The following LRRC27 variants were observed in gnomAD, a reference collection of about 807,000 sequenced individuals.
The protein encoded by LRRC27 is leucine rich repeat containing 27.
In LRRC27, 57 loss-of-function variants were observed where a neutral mutation model predicts 55.0. The observed-to-expected ratio is 1.04, with a 90% confidence interval of 0.84 to 1.29. LRRC27 has a LOEUF of 1.29. Among genes scored for constraint, LRRC27 ranks in the 50% most tolerant of loss-of-function variants. The probability of loss-of-function intolerance (pLI) is 0.00; values close to 1 mark genes in which losing one functional copy is unlikely to be tolerated. For synonymous variants in LRRC27, 278 were observed against 251.9 expected, an observed-to-expected ratio of 1.10 and a Z score of -0.98; for missense variants, 721 against 651.5, an observed-to-expected ratio of 1.11 and a Z score of -1.16.
chr10:132,355,757 G>A (rs1215901255), intron 7 of LRRC27, 33 bp from the exon 8 acceptor site: 4 of 1,487,522 alleles, frequency 2.7e-6, no homozygotes, highest in South Asian at 1.2e-5. Context: ...GAAGCTGCCT[G>A]TAACTTATGA....
At position 132,375,372 on chromosome 10, in the gene LRRC27, A is replaced by G; in HGVS notation, c.*130A>G. On this transcript the variant is annotated 3_prime_UTR_variant, in exon 11 of 11. Transcript: ENST00000368614. ...GTTACCCTGAGGGCTGATTTCGCGC[A>G]GCCTGTTGTTTTCCTTAGACAGGTC... is the stretch of plus-strand genomic sequence containing the variant. The G allele has an allele frequency of 1.3e-6, 1 of 757,916 alleles. No homozygotes were observed. Among genetic ancestry groups the G allele is most frequent in the Non-Finnish European group, 2.1e-6 (1 of 479,554 alleles). The allele number at this position is 757,916 out of a possible 1,614,324, so 46.9% of individuals were successfully genotyped here. A position where few individuals can be genotyped will look rare whatever the true frequency, so the allele number is the denominator to read the frequency against.
chr10:132,330,548 C>T (rs532276466), upstream of LRRC27: 14 of 715,334 alleles, frequency 2.0e-5, no homozygotes, highest in Admixed American at 2.4e-4. Context: ...CTCGCTGTCA[C>T]CGAAGCTGAC....
chr10:132,335,359 TC>T (rs1381493177), intron 2 of LRRC27: 47 of 152,314 alleles, frequency 3.1e-4, no homozygotes, highest in African/African-American at 6.3e-4. Flanking sequence ...CTCCCCCAGA[TC>T]CTCATAGGCT....
intron 7 of LRRC27, 25 bp downstream of exon 7, chr10:132,351,778 C>T (rs370928878): frequency 2.6e-5 from 41 of 1,592,306 alleles, no homozygotes; most frequent in East Asian, 2.0e-4. Flanking sequence ...GGTGGGGGTC[C>T]GCACAGCCCG....
intron 9 of LRRC27, among the ~76,000 whole-genome samples, chr10:132,364,889 C>G (rs1021327894): frequency 2.7e-5 from 4 of 150,018 alleles, no homozygotes; most frequent in Non-Finnish European, 4.4e-5. Context: ...CCCGCCACCC[C>G]ACAGCTCACC....
intron 7 of LRRC27, among the ~76,000 whole-genome samples, chr10:132,352,051 G>GGT (rs1434630117): frequency 8.3e-5 from 9 of 108,342 alleles, no homozygotes; most frequent in Admixed American, 1.8e-4. Flanking sequence ...CAGGCGCTGA[G>GGT]GCCTCCGTGT....
chr10:132,342,955 A>C (rs2138680905), intron 4 of LRRC27, among the ~76,000 whole-genome samples: 1 of 152,322 alleles, frequency 6.6e-6, no homozygotes, highest in Middle Eastern at 3.4e-3. Context: ...ACAAACATTA[A>C]GATTGTATAG....
chr10:132,370,685 G>A (rs1590735738), intron 10 of LRRC27, among the ~76,000 whole-genome samples: 1 of 152,178 alleles, frequency 6.6e-6, no homozygotes, highest in East Asian at 1.9e-4. Context: ...CCTGATGGCC[G>A]CATGTTTAGG....
chr10:132,377,444 T>A lies in LRRC27; in HGVS notation c.*2202T>A, dbSNP rs1406541338. The A allele has an allele frequency of 6.6e-6, 1 of 152,190 alleles. No individual in the cohort carries two copies. Among genetic ancestry groups the A allele is most frequent in the East Asian group, 1.9e-4 (1 of 5,194 alleles). 9.4% of individuals were successfully genotyped at this position (152,190 alleles called of 1,614,324 possible). ...ATACATGCCCTTGAGTTCATTAGCATTTCCTGAATGAGCCAATGACCCTGA... is the reference window on the plus strand; with the variant it reads ...ATACATGCCCTTGAGTTCATTAGCAATTCCTGAATGAGCCAATGACCCTGA... On this transcript the variant is annotated 3_prime_UTR_variant, in exon 11 of 11. Transcript: ENST00000368614.
chr10:132,331,344 GGGTTCCACA>G (rs2066722034), upstream of LRRC27: 1 of 1,314,376 alleles, frequency 7.6e-7, no homozygotes, highest in Non-Finnish European at 1.0e-6. Context: ...CGGGACTCCA[GGGTTCCACA>G]GGACCACGCG....
At chr10:132,365,716 C>T (rs2069048090) in intron 10 of LRRC27, among the ~76,000 whole-genome samples, 166 bp downstream of exon 10, 1 of 152,168 alleles carries the variant, frequency 6.6e-6, no homozygotes, top group African/African-American at 2.4e-5. Context: ...ATTCTCCTGC[C>T]TCAGCCTCCC....
chr10:132,358,743 G>A (rs201730004), intron 8 of LRRC27, among the ~76,000 whole-genome samples: 6 of 71,956 alleles, frequency 8.3e-5, no homozygotes, highest in Non-Finnish European at 1.4e-4. Context: ...GCAGCGTGGG[G>A]AGGAGCCGAG....
At chr10:132,331,742 T>A (rs1289878892), upstream of LRRC27, 1 of 1,611,724 alleles carries the variant, frequency 6.2e-7, no homozygotes, top group Admixed American at 1.7e-5. Flanking sequence ...AGCATCCCGC[T>A]CTCTTCCTTC....
intron 8 of LRRC27, among the ~76,000 whole-genome samples, 183 bp from the exon 9 acceptor site, chr10:132,361,274 A>G (rs533147343): frequency 3.9e-5 from 6 of 152,242 alleles, no homozygotes; most frequent in Admixed American, 1.3e-4. Context: ...AGATCCCAGT[A>G]GGGCGCGAGA....
chr10:132,368,536 A>G (rs993726446), intron 10 of LRRC27, among the ~76,000 whole-genome samples: 2 of 152,256 alleles, frequency 1.3e-5, no homozygotes, highest in African/African-American at 4.8e-5. Context: ...CTGATATGAC[A>G]GAGGAGCAAA....
intron 2 of LRRC27, chr10:132,336,639 A>G: frequency 1.5e-6 from 1 of 649,192 alleles, no homozygotes; most frequent in South Asian, 1.8e-5. Context: ...GTGCTTGCCC[A>G]CATTGCCCCG....
chr10:132,343,751 C>T (rs1205567106), intron 4 of LRRC27, among the ~76,000 whole-genome samples: 1 of 152,248 alleles, frequency 6.6e-6, no homozygotes, highest in Non-Finnish European at 1.5e-5. Context: ...TACCCAAAAT[C>T]CAAGCATCCA....
Position 132,365,446 on chromosome 10 carries a change from G to T in LRRC27, c.1312G>T (p.Glu438Ter). The T allele has an allele frequency of 6.2e-7, 1 of 1,613,716 alleles. No homozygotes were observed. The highest frequency in any genetic ancestry group is 8.5e-7 in the Non-Finnish European group (1 of 1,179,970). Residue 438 changes from glutamate (E) to a stop codon, truncating the protein, a stop_gained, in exon 10 of 11, where the codon GAA becomes TAA. Transcript: ENST00000368614. LOFTEE classifies it high-confidence loss of function. ...EMSALQERNL[E>*]EKIKQHVLQM... ...CAGTGCCCTGCAGGAGAGAAATTTA[G>T]AAGAGAAGATAAAACAGCACGTCCT...
In LRRC27 at chr10:132,364,420, T is replaced by C. The variant is rs61864516; in HGVS notation, c.1290-1004T>C. Among the ~76,000 whole-genome samples, 374 of 66,476 alleles carry C rather than the reference T, an allele frequency of 5.6e-3. 11 individuals are homozygous for C. Among genetic ancestry groups the C allele is most frequent in the African/African-American group, 0.011 (138 of 12,590 alleles). 43.6% of individuals were successfully genotyped at this position (66,476 alleles called of 152,430 possible). On this transcript the variant is annotated intron_variant, in intron 9 of 10. Coordinates refer to ENST00000368614, the MANE Select transcript of LRRC27 (RefSeq NM_030626.3). ...TTACATCTACCTCCACACCCGCGCT[T>C]ACACCCACGCTTACATCTACCTCCA...
Sources: gnomAD v4.1 joint callset for allele counts (sites outside exome capture counted in the v4.1 genomes callset) on GRCh38, gnomAD v4.1.1 for gene constraint, MANE v1.5 for transcripts, NCBI Gene and HGNC (gene_info 2026-07-23, HGNC 2026-07-21) for gene names.